The following BMPR2 variants were observed in gnomAD, a reference collection of about 807,000 sequenced individuals.
The protein encoded by BMPR2 is bone morphogenetic protein receptor type 2.
BMPR2 carries 29 observed loss-of-function variants against 100.8 expected under a neutral mutation model. The observed-to-expected ratio is 0.29, with a 90% confidence interval of 0.21 to 0.39. BMPR2 has a LOEUF of 0.39. Ranked by LOEUF, BMPR2 falls within the 10% of genes least tolerant of loss-of-function variation. The pLI is 1.00. For missense variants in BMPR2, 1,011 were observed against 1,274.5 expected, an observed-to-expected ratio of 0.79 and a Z score of 3.15; for synonymous variants, 382 against 442.3, an observed-to-expected ratio of 0.86 and a Z score of 1.71.
chr2:202,522,109 T>C (rs1687827519), intron 7 of BMPR2, among the ~76,000 whole-genome samples: 1 of 151,970 alleles, frequency 6.6e-6, no homozygotes, highest in African/African-American at 2.4e-5. Context: ...TAGTGAGCTG[T>C]GTTCACCCCA....
At position 202,501,822 on chromosome 2, in the gene BMPR2, C is replaced by G. The variant is rs1308374571; in HGVS notation, c.419-11897C>G. Among the ~76,000 whole-genome samples the G allele has an allele frequency of 2.0e-5, 3 of 152,362 alleles. No homozygotes were observed. The East Asian group carries it at 5.8e-4, about 29-fold the overall frequency. Reference sequence around the variant, plus strand: ...ATATGCGTGGCCCTCAACCCTGCCACTTTTCTCCCAGAGGATGGGGAACCA... The same window carrying G: ...ATATGCGTGGCCCTCAACCCTGCCAGTTTTCTCCCAGAGGATGGGGAACCA... On this transcript the variant is annotated intron_variant, in intron 3 of 12. Transcript: ENST00000374580.
chr2:202,496,247 G>T (rs1574477695), intron 3 of BMPR2, among the ~76,000 whole-genome samples: 1 of 152,192 alleles, frequency 6.6e-6, no homozygotes. Flanking sequence ...AGCACTTTGG[G>T]AGGCCAGGAC....
chr2:202,486,228 A>G (rs1351740411), intron 3 of BMPR2, among the ~76,000 whole-genome samples: 6 of 152,236 alleles, frequency 3.9e-5, no homozygotes. Context: ...GCATAATGTC[A>G]TACAGAAAAG....
At chr2:202,397,166 A>T (rs1389526062) in intron 1 of BMPR2, among the ~76,000 whole-genome samples, 1 of 152,210 alleles carries the variant, frequency 6.6e-6, no homozygotes, top group Admixed American at 6.5e-5. Context: ...GTCAATAAAT[A>T]TAAATAAATA....
intron 10 of BMPR2, among the ~76,000 whole-genome samples, chr2:202,546,505 A>G (rs1688378357): frequency 6.6e-6 from 1 of 152,244 alleles, no homozygotes; most frequent in Non-Finnish European, 1.5e-5. Context: ...TTATCTCTGA[A>G]TATTGAGTTC....
chr2:202,433,055 C>T (rs908647917), intron 1 of BMPR2, among the ~76,000 whole-genome samples: 1 of 150,044 alleles, frequency 6.7e-6, no homozygotes, highest in African/African-American at 2.5e-5. Flanking sequence ...TCTAAATTAA[C>T]CTTTGAGGCT....
intron 1 of BMPR2, among the ~76,000 whole-genome samples, chr2:202,395,811 C>G (rs898635581): frequency 1.3e-5 from 2 of 152,160 alleles, no homozygotes; most frequent in African/African-American, 4.8e-5. Flanking sequence ...GGGCGGGAGC[C>G]TATAATCCCA....
At chr2:202,494,901 T>C (rs544443055) in intron 3 of BMPR2, among the ~76,000 whole-genome samples, 5 of 152,318 alleles carry the variant, frequency 3.3e-5, no homozygotes, top group Admixed American at 2.6e-4. Flanking sequence ...ACCAATCATA[T>C]GGTTTATAAT....
At chr2:202,513,088 C>G (rs1302473887) in intron 3 of BMPR2, among the ~76,000 whole-genome samples, 3 of 151,938 alleles carry the variant, frequency 2.0e-5, no homozygotes, top group Non-Finnish European at 2.9e-5. Flanking sequence ...CCATAGCCCC[C>G]TGAGTAGCTG....
intron 2 of BMPR2, among the ~76,000 whole-genome samples, chr2:202,466,616 G>A (rs556002154): frequency 2.1e-5 from 3 of 140,802 alleles, no homozygotes; most frequent in Non-Finnish European, 4.6e-5. Context: ...TTATTTATTT[G>A]TTATTGTATT....
At chr2:202,478,282 G>C (rs1692589678) in intron 3 of BMPR2, among the ~76,000 whole-genome samples, 1 of 152,158 alleles carries the variant, frequency 6.6e-6, no homozygotes, top group Non-Finnish European at 1.5e-5. Flanking sequence ...ACGTGTGTGA[G>C]GTAAAATTCA....
chr2:202,425,294 G>C (rs1226177408), intron 1 of BMPR2, among the ~76,000 whole-genome samples: 1 of 152,182 alleles, frequency 6.6e-6, no homozygotes, highest in Non-Finnish European at 1.5e-5. Flanking sequence ...TCTGCCGCTA[G>C]TGCTGCTGCA....
At chr2:202,487,517 A>G (rs1181556945) in intron 3 of BMPR2, among the ~76,000 whole-genome samples, 1 of 152,214 alleles carries the variant, frequency 6.6e-6, no homozygotes, top group Non-Finnish European at 1.5e-5. Context: ...CGTAGAGGAT[A>G]ATATTTGAGG....
chr2:202,428,605 G>A (rs187250610), intron 1 of BMPR2, among the ~76,000 whole-genome samples: 2 of 151,914 alleles, frequency 1.3e-5, no homozygotes, highest in Admixed American at 6.6e-5. Flanking sequence ...ATGGGTCCTC[G>A]CTGTGTTGCC....
In BMPR2 at chr2:202,534,185, C is replaced by T. The variant is rs192207971; in HGVS notation, c.1276+1453C>T. On this transcript the variant is annotated intron_variant, in intron 9 of 12. Transcript: ENST00000374580. ...TATCAAGTGTGTGTATATATATATA[C>T]ACACACACACACATATATATGTATC... Among the ~76,000 whole-genome samples, 136 of 143,602 alleles carry T rather than the reference C, an allele frequency of 9.5e-4. 1 individual carries two copies. In the East Asian group the frequency reaches 0.023, roughly 24 times the overall value. The allele number at this position is 143,602 out of a possible 152,430, so 94.2% of individuals were successfully genotyped here. A position where few individuals can be genotyped will look rare whatever the true frequency, so the allele number is the denominator to read the frequency against.
chr2:202,479,647 A>T lies in BMPR2; in HGVS notation c.418+11958A>T, dbSNP rs902511170. Among the ~76,000 whole-genome samples, 16 of 152,114 alleles carry T rather than the reference A, an allele frequency of 1.1e-4. 1 individual carries two copies. Among genetic ancestry groups the T allele is most frequent in the African/African-American group, 3.9e-4 (16 of 41,376 alleles). On this transcript the variant is annotated intron_variant, in intron 3 of 12. Coordinates refer to ENST00000374580, the MANE Select transcript of BMPR2 (RefSeq NM_001204.7). ...TAAAACCTCCAAACACATGCTTGAGATGGGGTGTGCAGTAATAAGCACTAC... is the reference window on the plus strand; with the variant it reads ...TAAAACCTCCAAACACATGCTTGAGTTGGGGTGTGCAGTAATAAGCACTAC...
At chr2:202,500,872 C>A (rs977646101) in intron 3 of BMPR2, among the ~76,000 whole-genome samples, 1 of 152,130 alleles carries the variant, frequency 6.6e-6, no homozygotes, top group Non-Finnish European at 1.5e-5. Flanking sequence ...ACTCTGACTC[C>A]CAGTTTCTCT....
chr2:202,472,734 T>A (rs1411120764), intron 3 of BMPR2, among the ~76,000 whole-genome samples: 1 of 152,212 alleles, frequency 6.6e-6, no homozygotes, highest in East Asian at 1.9e-4. Flanking sequence ...CATTTCAGAT[T>A]GTTACCTAGG....
chr2:202,550,395 AAT>A (rs1467925654), intron 10 of BMPR2, among the ~76,000 whole-genome samples: 5 of 148,116 alleles, frequency 3.4e-5, no homozygotes, highest in Non-Finnish European at 7.5e-5. Context: ...AAAAAAAAAA[AAT>A]TGTAGAAATG....
Sources: gnomAD v4.1 joint callset for allele counts (sites outside exome capture counted in the v4.1 genomes callset) on GRCh38, gnomAD v4.1.1 for gene constraint, MANE v1.5 for transcripts, NCBI Gene and HGNC (gene_info 2026-07-23, HGNC 2026-07-21) for gene names.